C11orf65: variants seen among roughly 807,000 people sequenced by gnomAD.
C11orf65 encodes the protein chromosome 11 open reading frame 65.
A neutral mutation model predicts 35.3 loss-of-function variants in C11orf65; 38 were observed. The ratio of observed to expected loss-of-function variants is 1.08; its 90% CI spans 0.83 to 1.41. The LOEUF (loss-of-function observed/expected upper bound fraction) is 1.41. Ranked by LOEUF, C11orf65 falls within the 40% of genes most tolerant of loss-of-function variation. The pLI, the probability that C11orf65 is intolerant of heterozygous loss-of-function variation, is 0.00. For missense variants in C11orf65, 370 were observed against 367.1 expected (o/e 1.01, Z -0.06); for synonymous variants, 105 against 114.4 (o/e 0.92, Z 0.53).
At chr11:108,342,176 C>G (rs894979908) in intron 2 of C11orf65, among the ~76,000 whole-genome samples, 1 of 151,990 alleles carries the variant, frequency 6.6e-6, no homozygotes, top group Admixed American at 6.6e-5. Context: ...TCCAGTGTGG[C>G]CCAGGGAATC....
intron 6 of C11orf65, among the ~76,000 whole-genome samples, chr11:108,313,759 A>G (rs1423920534): frequency 6.6e-6 from 1 of 152,234 alleles, no homozygotes; most frequent in African/African-American, 2.4e-5. Context: ...TTGGAACTAT[A>G]GAATTATGCC....
At chr11:108,313,467 C>G (rs2084345086) in intron 6 of C11orf65, among the ~76,000 whole-genome samples, 5 of 152,142 alleles carry the variant, frequency 3.3e-5, no homozygotes, top group Admixed American at 2.6e-4. Context: ...CTCTCATAAA[C>G]TTCATGTTGC....
At position 108,461,694 on chromosome 11, in the gene C11orf65, G is replaced by A. The variant is rs565133055; in HGVS notation, c.-9-126C>T. 1.4e-4 allele frequency: 85 copies of A among 596,742 alleles called. 2 individuals carry two copies. The South Asian group carries it at 1.9e-3, about 14-fold the overall frequency. 37.0% of individuals were successfully genotyped at this position (596,742 alleles called of 1,614,324 possible). On this transcript the variant is annotated intron_variant, in intron 1 of 8. Transcript: ENST00000393084. ...CCAAGCTGGAGTGCAGTGGTGCGAT[G>A]ATAGCTCACTGTAGCCTCAAACTGC...
chr11:108,443,314 G>C (rs374285503), intron 2 of C11orf65, among the ~76,000 whole-genome samples: 2 of 151,258 alleles, frequency 1.3e-5, no homozygotes, highest in South Asian at 4.2e-4. Context: ...GGAGCACCCA[G>C]ATTCATAAAG....
intron 3 of C11orf65, among the ~76,000 whole-genome samples, chr11:108,413,288 C>G (rs1254576297): frequency 2.0e-5 from 3 of 152,140 alleles, no homozygotes; most frequent in Non-Finnish European, 4.4e-5. Context: ...TATCCATCAC[C>G]CAATTAATGT....
chr11:108,426,660 T>C (rs1049010828), intron 3 of C11orf65, among the ~76,000 whole-genome samples: 2 of 151,538 alleles, frequency 1.3e-5, no homozygotes, highest in Non-Finnish European at 2.9e-5. Context: ...TTAAATTTCA[T>C]ATGGAACCAA....
At chr11:108,407,023 T>C in intron 4 of C11orf65, 60 bp from the exon 5 acceptor site, 2 of 1,575,260 alleles carry the variant, frequency 1.3e-6, no homozygotes, top group Non-Finnish European at 8.7e-7. Flanking sequence ...TTTTACATTT[T>C]GAAAAATTAC....
At chr11:108,320,515 CAG>C (rs1021653231) in intron 6 of C11orf65, among the ~76,000 whole-genome samples, 95 of 152,230 alleles carry the variant, frequency 6.2e-4, no homozygotes, top group South Asian at 8.3e-4. Flanking sequence ...ATGTTTATCA[CAG>C]AAATAAAATT....
At chr11:108,308,733 A>G in exon 7 of C11orf65, 1 of 367,404 alleles carries the variant, frequency 2.7e-6, no homozygotes, top group East Asian at 4.7e-5. Flanking sequence ...AATGTTTTTA[A>G]GCCTAAATGC....
At chr11:108,359,060 G>A (rs532976102) in intron 2 of C11orf65, among the ~76,000 whole-genome samples, 47 of 149,206 alleles carry the variant, frequency 3.2e-4, no homozygotes, top group Non-Finnish European at 6.0e-4. Flanking sequence ...CATCTCACGT[G>A]CAGAGACACA....
intron 2 of C11orf65, among the ~76,000 whole-genome samples, chr11:108,437,180 A>G (rs903287467): frequency 1.3e-5 from 2 of 151,454 alleles, no homozygotes; most frequent in Non-Finnish European, 2.9e-5. Context: ...CTAGCTACTC[A>G]GTAGCTTGAG....
At chr11:108,333,509 GT>G (rs1278691346) in intron 3 of C11orf65, among the ~76,000 whole-genome samples, 14 of 152,090 alleles carry the variant, frequency 9.2e-5, no homozygotes, top group Non-Finnish European at 1.9e-4. Flanking sequence ...TTCACATATT[GT>G]TTCTCTAAGC....
At chr11:108,379,535 G>A (rs557830105), downstream of C11orf65, among the ~76,000 whole-genome samples, 179 of 151,490 alleles carry the variant, frequency 1.2e-3, no homozygotes, top group Non-Finnish European at 2.1e-3. Context: ...TAAATGACGA[G>A]TTAATGGGTG....
chr11:108,343,203 A>G, intron 2 of C11orf65: 1 of 1,613,700 alleles, frequency 6.2e-7, no homozygotes, highest in Non-Finnish European at 8.5e-7. Flanking sequence ...ATTAAAAGGT[A>G]TTTAATCTGT....
At chr11:108,367,234 T>A in intron 2 of C11orf65, 1 of 178,730 alleles carries the variant, frequency 5.6e-6, no homozygotes, top group Non-Finnish European at 1.2e-5. Context: ...TGATCCACCC[T>A]CCTCGGCCTC....
intron 2 of C11orf65, 150 bp from the exon 3 acceptor site, chr11:108,431,988 G>T (rs2092996639): frequency 4.5e-6 from 2 of 442,874 alleles, no homozygotes; most frequent in Non-Finnish European, 8.1e-6. Flanking sequence ...TGCACTCAGG[G>T]TTTGCTTTGA....
In C11orf65 at chr11:108,448,649, A is replaced by C. The variant is rs573718558; in HGVS notation, c.81+12830T>G. ...GGGACGTATCTCAAAATAATAAGAGATATCTATGACAATCCCACAGCCAAT... is the reference window on the plus strand; with the variant it reads ...GGGACGTATCTCAAAATAATAAGAGCTATCTATGACAATCCCACAGCCAAT... On this transcript the variant is annotated intron_variant, in intron 2 of 8. Transcript: ENST00000393084. Among the ~76,000 whole-genome samples, 324 of 152,178 alleles carry C rather than the reference A, an allele frequency of 2.1e-3. 3 individuals are homozygous for C. The highest frequency in any genetic ancestry group is 0.011 in the East Asian group (59 of 5,180).
intron 2 of C11orf65, among the ~76,000 whole-genome samples, chr11:108,439,906 G>C (rs1414031765): frequency 6.6e-6 from 1 of 152,122 alleles, no homozygotes; most frequent in Non-Finnish European, 1.5e-5. Context: ...ACAACATTAT[G>C]AATATACTTA....
At chr11:108,360,698 CAT>C (rs1188689428) in intron 2 of C11orf65, among the ~76,000 whole-genome samples, 2 of 145,696 alleles carry the variant, frequency 1.4e-5, no homozygotes, top group East Asian at 2.0e-4. Flanking sequence ...ACAAAAACCA[CAT>C]GATTATCTCA....
Sources: allele counts gnomAD v4.1 joint callset (sites outside exome capture counted in the v4.1 genomes callset), GRCh38; gene constraint gnomAD v4.1.1; transcripts MANE v1.5; gene names NCBI Gene and HGNC (gene_info 2026-07-23, HGNC 2026-07-21).